The following PLEKHH2 variants were observed in gnomAD, a reference collection of about 807,000 sequenced individuals.
The protein encoded by PLEKHH2 is pleckstrin homology domain-containing family H member 2.
In PLEKHH2, 129 loss-of-function variants were observed where a neutral mutation model predicts 187.9. That is an observed-to-expected ratio of 0.69 (90% CI 0.59 to 0.79). The LOEUF is 0.79. Ranked by LOEUF, PLEKHH2 falls within the 30% of genes least tolerant of loss-of-function variation. The pLI is 0.00. For missense variants in PLEKHH2, 2,076 were observed against 1,751.2 expected (o/e 1.19, Z -3.31); for synonymous variants, 686 against 605.6 (o/e 1.13, Z -1.95).
At chr2:43,687,006 G>C (rs1035453485) in intron 3 of PLEKHH2, among the ~76,000 whole-genome samples, 3 of 151,844 alleles carry the variant, frequency 2.0e-5, no homozygotes, top group South Asian at 4.2e-4. Flanking sequence ...AATTTTAACT[G>C]TTATTTTAGA....
chr2:43,692,801 C>T (rs1668876706), intron 4 of PLEKHH2, 138 bp downstream of exon 4: 1 of 936,922 alleles, frequency 1.1e-6, no homozygotes, highest in Non-Finnish European at 1.6e-6. Context: ...GATTGCATCA[C>T]ATTTATTGGT....
chr2:43,675,351 C>G, intron 2 of PLEKHH2: 1 of 1,518,212 alleles, frequency 6.6e-7, no homozygotes, highest in South Asian at 1.3e-5. Flanking sequence ...TCTTGGACAG[C>G]ACAGGTCTAT....
At chr2:43,747,868 T>C (rs545772040) in intron 24 of PLEKHH2, among the ~76,000 whole-genome samples, 2 of 152,362 alleles carry the variant, frequency 1.3e-5, no homozygotes, top group East Asian at 3.8e-4. Flanking sequence ...ACATAAAGAA[T>C]GTAATTTTGA....
chr2:43,744,421 C>T (rs528826584), intron 23 of PLEKHH2, among the ~76,000 whole-genome samples: 7 of 152,220 alleles, frequency 4.6e-5, no homozygotes, highest in South Asian at 2.1e-4. Context: ...AATTTGCTTA[C>T]GGAAGAGCAG....
intron 26 of PLEKHH2, 68 bp from the exon 27 acceptor site, chr2:43,758,832 A>C: frequency 7.4e-7 from 1 of 1,357,696 alleles, no homozygotes; most frequent in Non-Finnish European, 9.9e-7. Context: ...GTTTTATCTT[A>C]AGACTATGAC....
At chr2:43,744,947 A>G (rs113145924) in intron 23 of PLEKHH2, among the ~76,000 whole-genome samples, 2,430 of 152,030 alleles carry the variant, frequency 0.016, 69 homozygotes, top group African/African-American at 0.055. Flanking sequence ...AAAGGGAGGG[A>G]TTTTAAAAGA....
chr2:43,679,043 C>A (rs1421570562), intron 3 of PLEKHH2, 118 bp downstream of exon 3: 2 of 573,736 alleles, frequency 3.5e-6, no homozygotes, highest in Non-Finnish European at 6.0e-6. Context: ...TTTGACTGTT[C>A]ATAGCTTGAT....
chr2:43,675,241 C>T, intron 2 of PLEKHH2: 1 of 519,022 alleles, frequency 1.9e-6, no homozygotes. Context: ...AGATGTTTTA[C>T]ATCTTCATAC....
rs762329838 is a variant in PLEKHH2 at position 43,712,391 on chromosome 2, C to A, written c.2460+8C>A. The A allele has an allele frequency of 4.3e-6, 7 of 1,613,324 alleles. No individual in the cohort carries two copies. Among genetic ancestry groups the A allele is most frequent in the East Asian group, 2.2e-5 (1 of 44,844 alleles). On this transcript the variant is annotated splice_region_variant and intron_variant, in intron 15 of 29. Transcript: ENST00000282406. ...AAGGGATTGCTCACTAAGGTAGGAA[C>A]CTCCTGTGCATAGCAATGTCCCAGG...
chr2:43,737,329 G>T (rs572606334), intron 19 of PLEKHH2, among the ~76,000 whole-genome samples: 2 of 152,246 alleles, frequency 1.3e-5, no homozygotes, highest in South Asian at 4.2e-4. Flanking sequence ...CAATACAATG[G>T]GTAAGAAAAA....
Position 43,764,360 on chromosome 2 carries a change from C to T in PLEKHH2, c.4291C>T (p.Pro1431Ser), listed in dbSNP as rs1460602991. The T allele has an allele frequency of 1.9e-6, 3 of 1,612,100 alleles. No homozygotes were observed. Among genetic ancestry groups the T allele is most frequent in the Non-Finnish European group, 2.5e-6 (3 of 1,179,076 alleles). Residue 1431 changes from proline to serine, a missense_variant, in exon 29 of 30, where the codon CCC becomes TCC. Coordinates refer to ENST00000282406, the MANE Select transcript of PLEKHH2 (RefSeq NM_172069.4). ...GAAATTACTTTTTGCCATGGCAAAACCCAAGGTGAGTAGAAGCCTTTCTGC... is the reference window on the plus strand; with the variant it reads ...GAAATTACTTTTTGCCATGGCAAAATCCAAGGTGAGTAGAAGCCTTTCTGC... ...TEKLLFAMAK[P>S]KILEITLLIA... is the part of the protein sequence containing the mutation.
chr2:43,761,977 C>T (rs1672447332), intron 27 of PLEKHH2, among the ~76,000 whole-genome samples: 2 of 152,070 alleles, frequency 1.3e-5, no homozygotes, highest in African/African-American at 4.8e-5. Context: ...TGACTATTAA[C>T]GTCTTAACGC....
chr2:43,741,341 T>C, intron 21 of PLEKHH2: 1 of 186,282 alleles, frequency 5.4e-6, no homozygotes, highest in Non-Finnish European at 1.1e-5. Flanking sequence ...GTTCATTCAA[T>C]AAAAGCAACT....
chr2:43,681,580 C>G lies in PLEKHH2; in HGVS notation c.186+2655C>G. The G allele has an allele frequency of 9.9e-6, 9 of 905,516 alleles. No homozygotes were observed. In the South Asian group the frequency reaches 1.3e-4, roughly 13 times the overall value. The allele number at this position is 905,516 out of a possible 1,614,324, so 56.1% of individuals were successfully genotyped here. A position where few individuals can be genotyped will look rare whatever the true frequency, so the allele number is the denominator to read the frequency against. On this transcript the variant is annotated intron_variant, in intron 3 of 29. Coordinates refer to ENST00000282406, the MANE Select transcript of PLEKHH2 (RefSeq NM_172069.4). ...TCTGTGGGCCCGCACCTTCGGCACT[C>G]ATGACTAGTGCCTCTTTTTGGAGCT...
chr2:43,677,597 T>C (rs1385175962), intron 2 of PLEKHH2, among the ~76,000 whole-genome samples: 1 of 151,668 alleles, frequency 6.6e-6, no homozygotes, highest in African/African-American at 2.4e-5. Context: ...CATGTCTACT[T>C]CTTTCCACAC....
At chr2:43,764,206 A>T in intron 28 of PLEKHH2, 22 bp from the exon 29 acceptor site, 2 of 1,358,918 alleles carry the variant, frequency 1.5e-6, no homozygotes, top group Middle Eastern at 2.0e-4. Context: ...TATAACATAT[A>T]TACTTTTTCT....
intron 2 of PLEKHH2, among the ~76,000 whole-genome samples, chr2:43,654,783 T>G (rs1666669123): frequency 6.7e-6 from 1 of 149,610 alleles, no homozygotes; most frequent in South Asian, 2.2e-4. Context: ...TCCCAGCACT[T>G]TGGGAGGCTG....
chr2:43,659,018 G>C (rs1666933170), intron 2 of PLEKHH2, among the ~76,000 whole-genome samples: 1 of 145,640 alleles, frequency 6.9e-6, no homozygotes, highest in South Asian at 2.2e-4. Context: ...TGTTGCCTAG[G>C]CCTGAGTGCA....
chr2:43,754,387 G>A (rs1329205141), intron 25 of PLEKHH2, among the ~76,000 whole-genome samples: 1 of 151,156 alleles, frequency 6.6e-6, no homozygotes, highest in Non-Finnish European at 1.5e-5. Flanking sequence ...TAATGTCAGT[G>A]TTCCGGGCTT....
Sources: gnomAD v4.1 joint callset for allele counts (sites outside exome capture counted in the v4.1 genomes callset) on GRCh38, gnomAD v4.1.1 for gene constraint, MANE v1.5 for transcripts, NCBI Gene and HGNC (gene_info 2026-07-23, HGNC 2026-07-21) for gene names.